The following KIF13B variants were observed in gnomAD, a reference collection of about 807,000 sequenced individuals.
The protein encoded by KIF13B is kinesin-like protein KIF13B.
In KIF13B, 127 loss-of-function variants were observed where a neutral mutation model predicts 222.0. The ratio of observed to expected loss-of-function variants is 0.57; its 90% CI spans 0.50 to 0.66. The LOEUF (loss-of-function observed/expected upper bound fraction) is 0.66, where lower values mean the gene tolerates loss of function less well. Among genes scored for constraint, KIF13B ranks in the 30% least tolerant of loss-of-function variants. KIF13B has a pLI of 0.00. For missense variants in KIF13B, 2,173 were observed against 2,379.0 expected (o/e 0.91, Z 1.80); for synonymous variants, 976 against 919.0 (o/e 1.06, Z -1.12).
chr8:29,148,115 G>C (rs775807534), intron 16 of KIF13B, among the ~76,000 whole-genome samples: 3 of 152,122 alleles, frequency 2.0e-5, no homozygotes, highest in Non-Finnish European at 4.4e-5. Context: ...CAGGAGAATC[G>C]AATCACTTGA....
In KIF13B at chr8:29,152,321, T is replaced by C. The variant is rs185976641; in HGVS notation, c.1536-1938A>G. Among the ~76,000 whole-genome samples, 6 of 152,314 alleles carry C rather than the reference T, an allele frequency of 3.9e-5. No individual in the cohort carries two copies. In the East Asian group the frequency reaches 9.6e-4, roughly 24 times the overall value. On this transcript the variant is annotated intron_variant, in intron 14 of 39. Coordinates refer to ENST00000524189, the MANE Select transcript of KIF13B (RefSeq NM_015254.4). Reference sequence around the variant, plus strand: ...CAGAAACTTAGTTGATAAAGCAGTGTCAGGGTCGAAGAAAACTGATTCCAA... The same window carrying C: ...CAGAAACTTAGTTGATAAAGCAGTGCCAGGGTCGAAGAAAACTGATTCCAA...
intron 18 of KIF13B, among the ~76,000 whole-genome samples, chr8:29,144,544 C>T (rs1349752212): frequency 6.6e-6 from 1 of 152,126 alleles, no homozygotes; most frequent in African/African-American, 2.4e-5. Context: ...AGGCATGAGC[C>T]ACCATGCCCG....
chr8:29,141,556 C>G (rs957616262), intron 19 of KIF13B, among the ~76,000 whole-genome samples: 2 of 152,208 alleles, frequency 1.3e-5, no homozygotes, highest in African/African-American at 4.8e-5. Context: ...GGAAACAGGT[C>G]TAACGGTAAT....
chr8:29,110,416 C>T (rs577654303), intron 32 of KIF13B, among the ~76,000 whole-genome samples: 4 of 152,294 alleles, frequency 2.6e-5, no homozygotes, highest in Admixed American at 1.3e-4. Context: ...ACATTACCCC[C>T]GCCCTGGAAC....
At chr8:29,099,293 C>CAAAA in intron 35 of KIF13B, 52 bp from the exon 36 acceptor site, 1 of 1,245,554 alleles carries the variant, frequency 8.0e-7, no homozygotes. Flanking sequence ...ATTAACCAAA[C>CAAAA]AAAAAAAAAT....
intron 6 of KIF13B, 48 bp downstream of exon 6, chr8:29,186,244 C>A: frequency 6.9e-7 from 1 of 1,444,988 alleles, no homozygotes; most frequent in Non-Finnish European, 9.5e-7. Flanking sequence ...CAATTTAAGT[C>A]TGTTTCAGTT....
chr8:29,072,829 C>T (rs1807363828), intron 38 of KIF13B, among the ~76,000 whole-genome samples: 1 of 152,200 alleles, frequency 6.6e-6, no homozygotes, highest in Non-Finnish European at 1.5e-5. Context: ...CACGCTAAAA[C>T]CCTGCTAGGG....
At chr8:29,099,668 G>C (rs143384656) in intron 35 of KIF13B, among the ~76,000 whole-genome samples, 1 of 152,030 alleles carries the variant, frequency 6.6e-6, no homozygotes, top group East Asian at 1.9e-4. Flanking sequence ...CACCATGCCC[G>C]ATCAGCACTT....
At chr8:29,229,849 GCAT>G (rs1286461705) in intron 2 of KIF13B, among the ~76,000 whole-genome samples, 1 of 152,104 alleles carries the variant, frequency 6.6e-6, no homozygotes, top group African/African-American at 2.4e-5. Context: ...AAGCAAAAGG[GCAT>G]CATTTGTTAT....
chr8:29,234,846 C>T (rs1231918567), intron 2 of KIF13B, among the ~76,000 whole-genome samples: 9 of 151,950 alleles, frequency 5.9e-5, no homozygotes, highest in Admixed American at 1.3e-4. Context: ...ATAAAAATGA[C>T]GGAATGGAAC....
At position 29,126,905 on chromosome 8, in the gene KIF13B, T is replaced by G. The variant is rs1251765021; in HGVS notation, c.3222+217A>C. ...GTGGAATCTATGAAGGCTGAGACGT[T>G]TTAACCCTCAGCTTGCCACCTACAC... On this transcript the variant is annotated intron_variant, in intron 25 of 39. Coordinates refer to ENST00000524189, the MANE Select transcript of KIF13B (RefSeq NM_015254.4). 5.3e-5 allele frequency among the ~76,000 whole-genome samples: 8 copies of G among 152,092 alleles called. No individual in the cohort carries two copies. In the East Asian group the frequency reaches 1.5e-3, roughly 29 times the overall value.
intron 1 of KIF13B, among the ~76,000 whole-genome samples, 177 bp downstream of exon 1, chr8:29,262,803 G>A (rs1227462721): frequency 2.0e-5 from 3 of 151,308 alleles, no homozygotes; most frequent in Non-Finnish European, 3.0e-5. Context: ...AGGGAGGGGA[G>A]AAGAGGGAGC....
chr8:29,140,524 G>C lies in KIF13B; in HGVS notation c.2428C>G (p.Leu810Val), dbSNP rs778837454. 1 of 1,613,898 alleles carries C rather than the reference G, an allele frequency of 6.2e-7. No homozygotes were observed. ...TATTGTAACTTCACATCATAGAAAA[G>C]TGACTCGAGGAAGACATTGGCCACC... is the stretch of plus-strand genomic sequence containing the variant. ...IGVANVFLES[L>V]FYDVKLQYAV... Residue 810 changes from leucine (L) to valine (V), a missense_variant, in exon 20 of 40, where the codon CTT becomes GTT. This residue lies in a region of KIF13B where 1,480 missense variants were observed against 1,722.8 expected (regional missense o/e 0.86). Transcript: ENST00000524189.
rs1809185425 is a variant in KIF13B at position 29,108,206 on chromosome 8, A to T, written c.4162-14T>A. The T allele has an allele frequency of 6.2e-7, 1 of 1,609,936 alleles. No homozygotes were observed. Among genetic ancestry groups the T allele is most frequent in the African/African-American group, 1.3e-5 (1 of 74,746 alleles). ...GCTTCCAGACAACTGAAGAAGAAAGAAAGGGGGGTTAGTTATTTATGCATC... is the reference window on the plus strand; with the variant it reads ...GCTTCCAGACAACTGAAGAAGAAAGTAAGGGGGGTTAGTTATTTATGCATC... On this transcript the variant is annotated splice_polypyrimidine_tract_variant and intron_variant, in intron 34 of 39. Coordinates refer to ENST00000524189, the MANE Select transcript of KIF13B (RefSeq NM_015254.4).
chr8:29,226,280 G>A (rs1815021641), intron 2 of KIF13B, among the ~76,000 whole-genome samples: 1 of 152,162 alleles, frequency 6.6e-6, no homozygotes, highest in Non-Finnish European at 1.5e-5. Flanking sequence ...AAAGTAACTA[G>A]GGTCTGTAGC....
At position 29,122,592 on chromosome 8, in the gene KIF13B, A is replaced by G; in HGVS notation, c.3534T>C (p.Asn1178=). 6.2e-7 allele frequency: 1 copy of G among 1,608,972 alleles called. No individual in the cohort carries two copies. The highest frequency in any genetic ancestry group is 8.5e-7 in the Non-Finnish European group (1 of 1,177,496). ...THIPVIFLDL[N]ADDFSSQDNL... ...TTCAGAAAACACCTCCTAACTTACC[A>G]TTTAAGTCCAGGAATATAACAGGAA... is the stretch of plus-strand genomic sequence containing the variant. Residue 1178 remains asparagine (N), a splice_region_variant and synonymous_variant, in exon 29 of 40, where the codon AAT becomes AAC. Coordinates refer to ENST00000524189, the MANE Select transcript of KIF13B (RefSeq NM_015254.4).
At chr8:29,204,598 A>T (rs1368627819) in intron 2 of KIF13B, among the ~76,000 whole-genome samples, 1 of 152,220 alleles carries the variant, frequency 6.6e-6, no homozygotes, top group East Asian at 1.9e-4. Flanking sequence ...ATACTGACTC[A>T]TTTGTGGAGG....
chr8:29,218,809 T>C (rs62502857), intron 2 of KIF13B: 20,399 of 152,300 alleles, frequency 0.13, 1,508 homozygotes, highest in South Asian at 0.15. Flanking sequence ...CTATGAGCCA[T>C]CACAGTGCCC....
intron 12 of KIF13B, among the ~76,000 whole-genome samples, chr8:29,162,843 T>C (rs536741653): frequency 6.8e-4 from 104 of 152,338 alleles, no homozygotes; most frequent in African/African-American, 2.5e-3. Context: ...ATATTGCTTC[T>C]GATATCAGGG....
Sources: allele counts gnomAD v4.1 joint callset (sites outside exome capture counted in the v4.1 genomes callset), GRCh38; gene constraint gnomAD v4.1.1; regional missense constraint gnomAD v4.1.1; transcripts MANE v1.5; gene names NCBI Gene and HGNC (gene_info 2026-07-23, HGNC 2026-07-21).